Variants in ADCK1 observed in about 807,000 individuals in gnomAD.
ADCK1 encodes aarF domain containing kinase 1.
ADCK1 carries 41 observed loss-of-function variants against 52.3 expected under a neutral mutation model. The ratio of observed to expected loss-of-function variants is 0.78; its 90% CI spans 0.61 to 1.02. ADCK1 has a LOEUF of 1.02. Among genes scored for constraint, ADCK1 ranks in the 50% least tolerant of loss-of-function variants. ADCK1 has a pLI of 0.00. For missense variants in ADCK1, 658 were observed against 679.5 expected (o/e 0.97, Z 0.35); for synonymous variants, 250 against 274.6 (o/e 0.91, Z 0.89).
chr14:77,901,566 T>G (rs1238660943), intron 6 of ADCK1, among the ~76,000 whole-genome samples: 2 of 151,868 alleles, frequency 1.3e-5, no homozygotes, highest in Admixed American at 6.6e-5. Flanking sequence ...ATTTTTGTAT[T>G]TTTAGTAGAG....
intron 3 of ADCK1, among the ~76,000 whole-genome samples, chr14:77,842,798 C>T (rs2082101404): frequency 6.6e-6 from 1 of 152,070 alleles, no homozygotes; most frequent in Admixed American, 6.6e-5. Context: ...GATCCACCTG[C>T]CTTGGCCTCC....
At chr14:77,835,933 C>A (rs960582506) in intron 3 of ADCK1, among the ~76,000 whole-genome samples, 5 of 152,276 alleles carry the variant, frequency 3.3e-5, no homozygotes, top group African/African-American at 1.2e-4. Flanking sequence ...CTGCCAAAAG[C>A]CATATTTTTA....
chr14:77,827,565 T>C (rs1023569717), intron 3 of ADCK1, among the ~76,000 whole-genome samples: 1 of 152,108 alleles, frequency 6.6e-6, no homozygotes, highest in Non-Finnish European at 1.5e-5. Flanking sequence ...TATTTTTTTT[T>C]CTTTTTCTTT....
chr14:77,917,942 C>G (rs2083963577), intron 7 of ADCK1, among the ~76,000 whole-genome samples: 1 of 152,126 alleles, frequency 6.6e-6, no homozygotes, highest in Admixed American at 6.5e-5. Flanking sequence ...GCGATTGAGG[C>G]CTGTTCTCTG....
chr14:77,914,333 G>A (rs1032034220), intron 7 of ADCK1: 11 of 865,966 alleles, frequency 1.3e-5, no homozygotes, highest in Non-Finnish European at 1.5e-5. Flanking sequence ...AGTGGGGTTC[G>A]TGAAGGAGTA....
Position 77,834,927 on chromosome 14 carries a change from T to G in ADCK1, c.219+12409T>G, listed in dbSNP as rs1594901259. Among the ~76,000 whole-genome samples, 4 of 152,190 alleles carry G rather than the reference T, an allele frequency of 2.6e-5. No individual in the cohort carries two copies. The East Asian group carries it at 7.7e-4, about 29-fold the overall frequency. Reference sequence around the variant, plus strand: ...TGGTTTCAGCCTACCCTTGCCCATCTCAGACCCTATCCCAGACCAACCCAG... The same window carrying G: ...TGGTTTCAGCCTACCCTTGCCCATCGCAGACCCTATCCCAGACCAACCCAG... On this transcript the variant is annotated intron_variant, in intron 3 of 10. Transcript: ENST00000238561.
intron 6 of ADCK1, among the ~76,000 whole-genome samples, chr14:77,901,336 C>T (rs2083538549): frequency 2.0e-5 from 3 of 150,948 alleles, no homozygotes; most frequent in Admixed American, 2.0e-4. Context: ...AGGTGTGAGC[C>T]ACTGCTCCTG....
At chr14:77,922,594 A>C (rs1000542821) in intron 7 of ADCK1, among the ~76,000 whole-genome samples, 4 of 152,172 alleles carry the variant, frequency 2.6e-5, no homozygotes, top group African/African-American at 9.7e-5. Context: ...CTGATGGCAT[A>C]AGGAACTTGT....
At chr14:77,839,156 G>A (rs1159241634) in intron 3 of ADCK1, among the ~76,000 whole-genome samples, 1 of 152,206 alleles carries the variant, frequency 6.6e-6, no homozygotes, top group Non-Finnish European at 1.5e-5. Context: ...GGGGCTGAGG[G>A]AGAGTCTGGG....
chr14:77,854,536 C>A (rs1594944153), intron 3 of ADCK1, among the ~76,000 whole-genome samples: 1 of 146,784 alleles, frequency 6.8e-6, no homozygotes, highest in African/African-American at 2.5e-5. Context: ...AGAGAGGTAG[C>A]AGCTCTCTTC....
At chr14:77,877,298 G>C (rs2082922304) in intron 4 of ADCK1, among the ~76,000 whole-genome samples, 1 of 152,244 alleles carries the variant, frequency 6.6e-6, no homozygotes, top group South Asian at 2.1e-4. Context: ...CACATTTGCT[G>C]TGTGGCATTT....
chr14:77,882,111 A>T (rs533154830), intron 4 of ADCK1, among the ~76,000 whole-genome samples: 1 of 151,378 alleles, frequency 6.6e-6, no homozygotes, highest in Non-Finnish European at 1.5e-5. Flanking sequence ...AGAGTCCTAG[A>T]TAGCTGGAGT....
At chr14:77,825,861 C>T (rs559058135) in intron 3 of ADCK1, among the ~76,000 whole-genome samples, 1 of 152,246 alleles carries the variant, frequency 6.6e-6, no homozygotes, top group African/African-American at 2.4e-5. Context: ...CGCTTCCCTG[C>T]CCCTCTTTCT....
intron 1 of ADCK1, among the ~76,000 whole-genome samples, 159 bp downstream of exon 1, chr14:77,800,329 C>T (rs1238261083): frequency 6.6e-6 from 1 of 152,244 alleles, no homozygotes; most frequent in Non-Finnish European, 1.5e-5. Context: ...GAGGGACAGC[C>T]CCATGACCTT....
intron 1 of ADCK1, among the ~76,000 whole-genome samples, chr14:77,816,262 G>A (rs75545147): frequency 0.05 from 7,638 of 152,122 alleles, 243 homozygotes; most frequent in Middle Eastern, 0.092. Flanking sequence ...TATATATATT[G>A]GTTTTTGTCT....
chr14:77,867,396 G>C (rs1190233526), intron 4 of ADCK1, among the ~76,000 whole-genome samples: 1 of 152,114 alleles, frequency 6.6e-6, no homozygotes, highest in East Asian at 1.9e-4. Context: ...CCTCCCAGCT[G>C]GGCCTCATCC....
intron 5 of ADCK1, among the ~76,000 whole-genome samples, chr14:77,891,069 G>C (rs1054946486): frequency 2.0e-5 from 3 of 152,184 alleles, no homozygotes. Flanking sequence ...CAGAGGAGAG[G>C]GGGAGGGAAA....
intron 5 of ADCK1, 132 bp from the exon 6 acceptor site, chr14:77,898,968 T>C (rs1197433513): frequency 1.6e-6 from 2 of 1,240,758 alleles, no homozygotes; most frequent in Non-Finnish European, 2.2e-6. Flanking sequence ...GTTTCCCTCC[T>C]GGAATTCAGA....
At chr14:77,915,355 A>G (rs1034237520) in intron 7 of ADCK1, among the ~76,000 whole-genome samples, 2 of 99,366 alleles carry the variant, frequency 2.0e-5, no homozygotes, top group South Asian at 4.0e-4. Context: ...CCCAGCCTAC[A>G]ACAGGCCCCA....
Sources: gnomAD v4.1 joint callset for allele counts (sites outside exome capture counted in the v4.1 genomes callset) on GRCh38, gnomAD v4.1.1 for gene constraint, MANE v1.5 for transcripts, NCBI Gene and HGNC (gene_info 2026-07-23, HGNC 2026-07-21) for gene names.